Variants in CABIN1 observed in about 807,000 individuals in gnomAD.
The protein encoded by CABIN1 is calcineurin binding protein 1, also known as calcineurin-binding protein cabin-1.
Under a neutral mutation model 227.7 loss-of-function variants are expected in CABIN1, and 133 were observed. The observed-to-expected ratio is 0.58, with a 90% CI of 0.51 to 0.67. CABIN1 has a LOEUF of 0.67. Ranked by LOEUF, CABIN1 falls within the 30% of genes least tolerant of loss-of-function variation. The pLI is 0.00. For missense variants in CABIN1, 2,408 were observed against 2,852.5 expected, an observed-to-expected ratio of 0.84 and a Z score of 3.55; for synonymous variants, 1,086 against 1,155.1, an observed-to-expected ratio of 0.94 and a Z score of 1.21.
At chr22:24,077,410 T>C (rs932970869) in intron 19 of CABIN1, among the ~76,000 whole-genome samples, 1 of 152,180 alleles carries the variant, frequency 6.6e-6, no homozygotes, top group Non-Finnish European at 1.5e-5. Context: ...ATAGAGCTCA[T>C]GTATGTATAG....
intron 34 of CABIN1, chr22:24,173,410 C>G (rs2046939157): frequency 6.6e-6 from 1 of 152,214 alleles, no homozygotes; most frequent in Non-Finnish European, 1.5e-5. Flanking sequence ...TAGGCATCCT[C>G]TAGCCCAGTC....
chr22:24,059,087 G>C, intron 10 of CABIN1, 140 bp from the exon 11 acceptor site: 1 of 977,472 alleles, frequency 1.0e-6, no homozygotes. Flanking sequence ...CCTCCTGGAG[G>C]CCTGGGTTCT....
chr22:24,156,883 G>A (rs2045861627), intron 29 of CABIN1, among the ~76,000 whole-genome samples: 1 of 152,230 alleles, frequency 6.6e-6, no homozygotes, highest in African/African-American at 2.4e-5. Flanking sequence ...CAGCCCGGCA[G>A]TTCTGGGGAC....
At chr22:24,084,144 A>G (rs1237247666) in intron 20 of CABIN1, among the ~76,000 whole-genome samples, 1 of 152,162 alleles carries the variant, frequency 6.6e-6, no homozygotes, top group Non-Finnish European at 1.5e-5. Context: ...ACGTGGGCTT[A>G]TAGAGCGCAG....
intron 19 of CABIN1, among the ~76,000 whole-genome samples, chr22:24,077,817 C>T (rs958954593): frequency 2.6e-5 from 4 of 152,118 alleles, no homozygotes; most frequent in African/African-American, 9.7e-5. Context: ...GGGAGTGGTG[C>T]TAAGAGTGAA....
At chr22:24,086,507 C>T (rs1311266740) in intron 22 of CABIN1, among the ~76,000 whole-genome samples, 3 of 152,230 alleles carry the variant, frequency 2.0e-5, no homozygotes, top group Non-Finnish European at 2.9e-5. Flanking sequence ...ATGGCTTGAT[C>T]CTGGGCTCCA....
chr22:24,043,307 CTTTT>C (rs745547509), intron 6 of CABIN1, among the ~76,000 whole-genome samples: 41 of 71,124 alleles, frequency 5.8e-4, no homozygotes, highest in Non-Finnish European at 6.5e-4. Flanking sequence ...AATGATTTTA[CTTTT>C]TTTTTTTTTT....
At chr22:24,107,686 A>G (rs1255704409) in intron 26 of CABIN1, among the ~76,000 whole-genome samples, 1 of 152,202 alleles carries the variant, frequency 6.6e-6, no homozygotes, top group Admixed American at 6.5e-5. Flanking sequence ...TAGCACTTTG[A>G]GAGTAAATAT....
At chr22:24,154,484 G>A (rs1371437795) in intron 29 of CABIN1, among the ~76,000 whole-genome samples, 1 of 152,238 alleles carries the variant, frequency 6.6e-6, no homozygotes, top group Non-Finnish European at 1.5e-5. Flanking sequence ...TGTGGCTTGA[G>A]CAACATGCAG....
In CABIN1 at chr22:24,041,142, G is replaced by A. The variant is rs148512364; in HGVS notation, c.214G>A (p.Val72Ile). Residue 72 changes from valine (V) to isoleucine (I), a missense_variant, in exon 5 of 37, where the codon GTT (valine) becomes ATT (isoleucine). Val to Ile is a conservative substitution (Grantham distance 29). Coordinates refer to ENST00000263119, the MANE Select transcript of CABIN1 (RefSeq NM_012295.4). ...LLEASLLREA[V>I]SSGDEKEGLK... ...TTCTGTTCTGTTTTGTTCACAGGCA[G>A]TTTCATCCGGTGATGAGAAAGAGGG... is the stretch of plus-strand genomic sequence containing the variant. 8.1e-6 allele frequency: 13 copies of A among 1,614,198 alleles called. No homozygotes were observed. In the African/African-American group the frequency reaches 1.7e-4, roughly 22 times the overall value.
At chr22:24,013,271 A>G (rs982063020) in intron 1 of CABIN1, among the ~76,000 whole-genome samples, 4 of 129,496 alleles carry the variant, frequency 3.1e-5, no homozygotes, top group Non-Finnish European at 6.1e-5. Flanking sequence ...ATCTCGCCTC[A>G]CTGCAAGCTC....
intron 1 of CABIN1, among the ~76,000 whole-genome samples, chr22:24,018,563 T>A (rs912514825): frequency 6.6e-6 from 1 of 152,230 alleles, no homozygotes; most frequent in African/African-American, 2.4e-5. Flanking sequence ...TTGACTCTAG[T>A]GATTTGAGAT....
At chr22:24,094,060 G>A (rs1371291991) in intron 24 of CABIN1, among the ~76,000 whole-genome samples, 1 of 152,168 alleles carries the variant, frequency 6.6e-6, no homozygotes, top group Non-Finnish European at 1.5e-5. Flanking sequence ...CTGGGGGCAG[G>A]TGCCTTGGAA....
At chr22:24,174,013 T>A (rs2046974413) in intron 34 of CABIN1, among the ~76,000 whole-genome samples, 2 of 151,972 alleles carry the variant, frequency 1.3e-5, no homozygotes, top group South Asian at 2.1e-4. Flanking sequence ...TTAATTTTTA[T>A]TTTTTATTTT....
chr22:24,089,559 G>A (rs529134032), intron 23 of CABIN1, among the ~76,000 whole-genome samples: 2 of 152,170 alleles, frequency 1.3e-5, no homozygotes, highest in Non-Finnish European at 2.9e-5. Flanking sequence ...CATAGTTGCC[G>A]AGGGTGAAAA....
chr22:24,178,195 G>A lies in CABIN1; in HGVS notation c.6662G>A (p.Ter2221=). 6.2e-7 allele frequency: 1 copy of A among 1,612,938 alleles called. No homozygotes were observed. The highest frequency in any genetic ancestry group is 8.5e-7 in the Non-Finnish European group (1 of 1,179,904). The change falls in exon 37 of 37, where the codon TGA becomes TAA. Residue 2221 remains the stop codon, a stop_retained_variant. Transcript: ENST00000263119. The part of the protein sequence containing the change: ...TDEDDDYMDI[*] Reference sequence around the variant, plus strand: ...GAGGACGACGACTACATGGACATTTGAGGGGCCACTGCAGCCCCACCGCCA... The same window carrying A: ...GAGGACGACGACTACATGGACATTTAAGGGGCCACTGCAGCCCCACCGCCA...
chr22:24,115,986 G>A (rs925263450), intron 27 of CABIN1, among the ~76,000 whole-genome samples: 5 of 152,212 alleles, frequency 3.3e-5, no homozygotes, highest in Admixed American at 6.5e-5. Flanking sequence ...GCCACATCCT[G>A]CCTGGCATGA....
Position 24,060,009 on chromosome 22 carries a change from G to A in CABIN1, c.1485G>A (p.Met495Ile). The A allele has an allele frequency of 6.2e-7, 1 of 1,614,192 alleles. No homozygotes were observed. The highest frequency in any genetic ancestry group is 8.5e-7 in the Non-Finnish European group (1 of 1,180,038). The change falls in exon 12 of 37, where the codon ATG (methionine) becomes ATA (isoleucine). Residue 495 changes from methionine to isoleucine, a missense_variant. Around this residue, in one of 3 missense-constraint regions of CABIN1, gnomAD observed 1,045 missense variants for 1,168.4 expected, o/e 0.89. Coordinates refer to ENST00000263119, the MANE Select transcript of CABIN1 (RefSeq NM_012295.4). ...TGATGATGCGCTACCTGAAAGCCAT[G>A]GGCCACAAGTTCTTGGTAAGGTGGC... Reference protein sequence around the residue: ...LELMMRYLKAMGHKFLVRWPP... With the variant: ...LELMMRYLKAIGHKFLVRWPP...
chr22:24,155,381 T>C (rs922937479), intron 29 of CABIN1, among the ~76,000 whole-genome samples: 4 of 152,100 alleles, frequency 2.6e-5, no homozygotes, highest in African/African-American at 9.7e-5. Flanking sequence ...TTGCTGTTCT[T>C]GGAATACTGA....
Sources: allele counts gnomAD v4.1 joint callset (sites outside exome capture counted in the v4.1 genomes callset), GRCh38; gene constraint gnomAD v4.1.1; regional missense constraint gnomAD v4.1.1; transcripts MANE v1.5; gene names NCBI Gene and HGNC (gene_info 2026-07-23, HGNC 2026-07-21).